FHIP1A: variants seen among roughly 807,000 people sequenced by gnomAD.
The protein encoded by FHIP1A is FHF complex subunit HOOK interacting protein 1A.
In FHIP1A, 61 loss-of-function variants were observed where a neutral mutation model predicts 88.6. That is an observed-to-expected ratio of 0.69 (90% CI 0.56 to 0.85). The LOEUF (loss-of-function observed/expected upper bound fraction) is 0.85. FHIP1A is among the 40% of genes least tolerant of loss of function. The pLI is 0.00. For synonymous variants in FHIP1A, 478 were observed against 496.0 expected (o/e 0.96, Z 0.48); for missense variants, 1,154 against 1,273.5 (o/e 0.91, Z 1.43).
intron 5 of FHIP1A, among the ~76,000 whole-genome samples, chr4:151,582,252 A>G (rs1046289345): frequency 5.9e-5 from 9 of 152,196 alleles, no homozygotes; most frequent in African/African-American, 2.2e-4. Flanking sequence ...GACTAAAGCC[A>G]TCTGCCAAAA....
At chr4:151,416,467 T>C (rs1231631476) in intron 1 of FHIP1A, among the ~76,000 whole-genome samples, 1 of 152,176 alleles carries the variant, frequency 6.6e-6, no homozygotes, top group Non-Finnish European at 1.5e-5. Flanking sequence ...GTAATTTCTA[T>C]ACACACATAC....
At chr4:151,570,466 G>A (rs944078418) in intron 4 of FHIP1A, among the ~76,000 whole-genome samples, 5 of 138,410 alleles carry the variant, frequency 3.6e-5, no homozygotes, top group Non-Finnish European at 8.3e-5. Flanking sequence ...TATTTTTAGA[G>A]AGAGAGTCTC....
In FHIP1A at chr4:151,650,406, A is replaced by G. The variant is rs1160806945; in HGVS notation, c.2365A>G (p.Lys789Glu). 1 of 1,551,692 alleles carries G rather than the reference A, an allele frequency of 6.4e-7. No homozygotes were observed. The highest frequency in any genetic ancestry group is 2.4e-5 in the East Asian group (1 of 40,932). The change falls in exon 11 of 14, where the codon AAG becomes GAG. Residue 789 changes from lysine (K) to glutamate (E), a missense_variant. Physicochemically the swap from Lys to Glu is moderately conservative, Grantham distance 56. Transcript: ENST00000435205. ...PLLLTKEEEG[K>E]EESKGEKEKE... ...GCTTCTCACTAAGGAGGAAGAAGGG[A>G]AGGAAGAGAGTAAAGGAGAAAAGGA...
At chr4:151,492,843 A>AG (rs1321632936) in intron 3 of FHIP1A, among the ~76,000 whole-genome samples, 3 of 152,182 alleles carry the variant, frequency 2.0e-5, no homozygotes, top group African/African-American at 7.2e-5. Context: ...CGATGCTAAG[A>AG]GGACAGTTCA....
Position 151,661,803 on chromosome 4 carries a change from A to G in FHIP1A, c.2870-698A>G, listed in dbSNP as rs185617449. Reference sequence around the variant, plus strand: ...AAATTGAGATGGGAACCCTCCTTCAATATAGGCTTCTAAGCCATTTGCTGC... The same window carrying G: ...AAATTGAGATGGGAACCCTCCTTCAGTATAGGCTTCTAAGCCATTTGCTGC... On this transcript the variant is annotated intron_variant, in intron 13 of 13. Coordinates refer to ENST00000435205, the MANE Select transcript of FHIP1A (RefSeq NM_001109977.3). Among the ~76,000 whole-genome samples, 17 of 152,354 alleles carry G rather than the reference A, an allele frequency of 1.1e-4. No homozygotes were observed. In the East Asian group the frequency reaches 2.7e-3, roughly 24 times the overall value.
chr4:151,448,400 A>T (rs1728681416), intron 1 of FHIP1A, among the ~76,000 whole-genome samples: 2 of 152,288 alleles, frequency 1.3e-5, no homozygotes, highest in South Asian at 4.1e-4. Context: ...CATTACCACC[A>T]TCCATCTCCA....
intron 4 of FHIP1A, among the ~76,000 whole-genome samples, chr4:151,577,191 A>G (rs1049303239): frequency 6.6e-6 from 1 of 152,200 alleles, no homozygotes; most frequent in African/African-American, 2.4e-5. Flanking sequence ...TTATATAACC[A>G]TACTATTTTC....
intron 5 of FHIP1A, among the ~76,000 whole-genome samples, chr4:151,580,774 G>A (rs941647110): frequency 6.6e-6 from 1 of 152,032 alleles, no homozygotes; most frequent in Admixed American, 6.6e-5. Flanking sequence ...AGCATTCAAA[G>A]TGTATGAATC....
intron 10 of FHIP1A, among the ~76,000 whole-genome samples, chr4:151,648,337 A>G (rs1736873269): frequency 6.6e-6 from 1 of 152,220 alleles, no homozygotes; most frequent in African/African-American, 2.4e-5. Context: ...AGTGCGCAAT[A>G]AATACTGCCA....
intron 1 of FHIP1A, among the ~76,000 whole-genome samples, chr4:151,417,101 A>G (rs1316009020): frequency 6.6e-6 from 1 of 152,154 alleles, no homozygotes; most frequent in Non-Finnish European, 1.5e-5. Flanking sequence ...TGAACAAAGA[A>G]TTGGACTAAA....
intron 11 of FHIP1A, among the ~76,000 whole-genome samples, chr4:151,650,872 A>G (rs1175923431): frequency 6.6e-6 from 1 of 152,250 alleles, no homozygotes; most frequent in Non-Finnish European, 1.5e-5. Flanking sequence ...AAACCACACA[A>G]GAATCCAGAC....
At chr4:151,577,407 T>C (rs1733833629) in intron 4 of FHIP1A, 43 bp from the exon 5 acceptor site, 1 of 1,472,412 alleles carries the variant, frequency 6.8e-7, no homozygotes, top group South Asian at 1.4e-5. Flanking sequence ...TTTGTAATTA[T>C]GATAAACATC....
At position 151,488,600 on chromosome 4, in the gene FHIP1A, G is replaced by A. The variant is rs902844082; in HGVS notation, c.-123+5952G>A. 5.9e-5 allele frequency among the ~76,000 whole-genome samples: 9 copies of A among 152,188 alleles called. No homozygotes were observed. In the East Asian group the frequency reaches 9.6e-4, roughly 16 times the overall value. ...TATTGTGAATAGTGCTGTGATTAGC[G>A]TGTGAGTGCATGTGTCTTTTTGGCA... On this transcript the variant is annotated intron_variant, in intron 3 of 13. Transcript: ENST00000435205.
intron 9 of FHIP1A, 138 bp downstream of exon 9, chr4:151,638,894 A>G: frequency 2.3e-6 from 1 of 439,308 alleles, no homozygotes; most frequent in Non-Finnish European, 4.0e-6. Flanking sequence ...CATCTAAGGA[A>G]GAAAATTATC....
intron 2 of FHIP1A, among the ~76,000 whole-genome samples, chr4:151,467,376 G>A (rs1382682407): frequency 6.6e-6 from 1 of 152,274 alleles, no homozygotes; most frequent in Middle Eastern, 3.4e-3. Flanking sequence ...ACTGTCGATG[G>A]GAATGCAAAT....
intron 3 of FHIP1A, among the ~76,000 whole-genome samples, chr4:151,497,816 G>T (rs914459795): frequency 6.6e-5 from 10 of 152,322 alleles, no homozygotes; most frequent in African/African-American, 2.2e-4. Context: ...GCCATGACTT[G>T]TGGCCCCATC....
chr4:151,589,882 T>G (rs2126810262), intron 7 of FHIP1A, among the ~76,000 whole-genome samples: 1 of 152,344 alleles, frequency 6.6e-6, no homozygotes, highest in Non-Finnish European at 1.5e-5. Context: ...GGTACTTGGT[T>G]TGAATTGGAT....
intron 1 of FHIP1A, among the ~76,000 whole-genome samples, chr4:151,422,979 C>T (rs1160195815): frequency 6.6e-6 from 1 of 152,110 alleles, no homozygotes; most frequent in Non-Finnish European, 1.5e-5. Flanking sequence ...TCCTAAAGGC[C>T]TTCTGTTCTG....
chr4:151,422,616 C>A (rs1300871120), intron 1 of FHIP1A, among the ~76,000 whole-genome samples: 1 of 152,188 alleles, frequency 6.6e-6, no homozygotes, highest in East Asian at 1.9e-4. Context: ...GTCTCAAACT[C>A]CTGGCCTCAA....
Sources: allele counts gnomAD v4.1 joint callset (sites outside exome capture counted in the v4.1 genomes callset), GRCh38; gene constraint gnomAD v4.1.1; transcripts MANE v1.5; gene names NCBI Gene and HGNC (gene_info 2026-07-23, HGNC 2026-07-21).